MYO7A: variants seen among roughly 807,000 people sequenced by gnomAD.
MYO7A encodes unconventional myosin-VIIa.
MYO7A carries 210 observed loss-of-function variants against 263.8 expected under a neutral mutation model. That is an observed-to-expected ratio of 0.80 (90% CI 0.71 to 0.89). The LOEUF is 0.89. Ranked by LOEUF, MYO7A falls within the 40% of genes least tolerant of loss-of-function variation. The pLI is 0.00. For synonymous variants in MYO7A, 1,239 were observed against 1,197.3 expected (o/e 1.03, Z -0.72); for missense variants, 2,820 against 2,968.3 (o/e 0.95, Z 1.16).
chr11:77,166,273 G>T, intron 15 of MYO7A, 111 bp downstream of exon 15: 1 of 900,788 alleles, frequency 1.1e-6, no homozygotes, highest in Non-Finnish European at 1.8e-6. Context: ...CCACATAATG[G>T]GTATGGAGCT....
intron 12 of MYO7A, 115 bp from the exon 13 acceptor site, chr11:77,162,005 G>T: frequency 1.0e-6 from 1 of 959,720 alleles, no homozygotes; most frequent in Non-Finnish European, 1.6e-6. Context: ...TGAGTTTGGA[G>T]TCCATGATGG....
rs782355956 is a variant in MYO7A, at chr11:77,162,924, G to C, written c.1626G>C (p.Lys542Asn). The change falls in exon 14 of 49, where the codon AAG (lysine) becomes AAC (asparagine). Residue 542 changes from lysine to asparagine, a missense_variant. Lys to Asn is a moderately conservative substitution (Grantham distance 94). Coordinates refer to ENST00000409709, the MANE Select transcript of MYO7A (RefSeq NM_000260.4). The part of the protein sequence containing the change: ...HKLNANYIPP[K>N]NNHETQFGIN... ...TCAACGCCAACTACATCCCCCCCAAGAACAACCATGAGACCCAGTTTGGCA... is the reference window on the plus strand; with the variant it reads ...TCAACGCCAACTACATCCCCCCCAACAACAACCATGAGACCCAGTTTGGCA... 6.2e-7 allele frequency: 1 copy of C among 1,613,690 alleles called. No homozygotes were observed.
intron 31 of MYO7A, among the ~76,000 whole-genome samples, chr11:77,193,718 C>G (rs1355857580): frequency 6.6e-6 from 1 of 152,186 alleles, no homozygotes; most frequent in Non-Finnish European, 1.5e-5. Flanking sequence ...AAGAGCCTTT[C>G]TCTATGCCCT....
At chr11:77,208,651 C>T (rs758435749) in intron 43 of MYO7A, 46 bp from the exon 44 acceptor site, 10 of 1,518,564 alleles carry the variant, frequency 6.6e-6, no homozygotes, top group South Asian at 4.8e-5. Context: ...CGTGAGCACT[C>T]CTCTGTGCAG....
Position 77,179,962 on chromosome 11 carries a change from G to T in MYO7A, c.2586+9G>T. 13 of 1,516,676 alleles carry T rather than the reference G, an allele frequency of 8.6e-6. No homozygotes were observed. The highest frequency in any genetic ancestry group is 1.1e-5 in the Non-Finnish European group (12 of 1,131,222). 94.0% of individuals were successfully genotyped at this position (1,516,676 alleles called of 1,614,324 possible). A position where few individuals can be genotyped will look rare whatever the true frequency, so the allele number is the denominator to read the frequency against. ...AACGCCTCAGGGCTGAGGTGAGGGA[G>T]CAAGTCCATAGCACCCACAGCTCTG... On this transcript the variant is annotated intron_variant, in intron 21 of 48. Coordinates refer to ENST00000409709, the MANE Select transcript of MYO7A (RefSeq NM_000260.4).
chr11:77,165,250 T>G (rs1241737528), intron 14 of MYO7A, among the ~76,000 whole-genome samples: 2 of 152,210 alleles, frequency 1.3e-5, no homozygotes, highest in African/African-American at 4.8e-5. Flanking sequence ...ATGGGCAGCC[T>G]ATGTCCTGCT....
intron 16 of MYO7A, 101 bp downstream of exon 16, chr11:77,172,986 G>A: frequency 2.1e-6 from 3 of 1,436,316 alleles, no homozygotes; most frequent in Non-Finnish European, 2.8e-6. Flanking sequence ...GTGAGACTTT[G>A]TCCCTTTGGG....
chr11:77,192,904 G>GTAC (rs1318689592), intron 31 of MYO7A, among the ~76,000 whole-genome samples: 5 of 25,448 alleles, frequency 2.0e-4, no homozygotes, highest in Non-Finnish European at 3.8e-4. Context: ...GATGGTGTTG[G>GTAC]TGATGGTGGA....
intron 8 of MYO7A, 111 bp from the exon 9 acceptor site, chr11:77,158,166 C>T: frequency 7.8e-7 from 1 of 1,288,690 alleles, no homozygotes; most frequent in Non-Finnish European, 1.0e-6. Flanking sequence ...GGGCCCCGGG[C>T]TGGCCTGGCC....
At chr11:77,178,186 C>T (rs1208257008) in intron 19 of MYO7A, among the ~76,000 whole-genome samples, 1 of 1,732 alleles carries the variant, frequency 5.8e-4, no homozygotes, top group African/African-American at 1.5e-3. Context: ...TTCACCCACC[C>T]ACCTACCCAT....
intron 44 of MYO7A, 196 bp from the exon 45 acceptor site, chr11:77,210,956 G>C (rs1565487875): frequency 5.3e-6 from 3 of 571,270 alleles, no homozygotes; most frequent in East Asian, 5.7e-5. Flanking sequence ...TGCTGAGTCT[G>C]TGCAGGCAGA....
In MYO7A at chr11:77,178,345, C is replaced by T. The variant is rs1327077178; in HGVS notation, c.2283-700C>T. ...CCCACCAACCCATCCACCATCCATC[C>T]ATCCACCCACCCACCCATCCATTCA... On this transcript the variant is annotated intron_variant, in intron 19 of 48. Coordinates refer to ENST00000409709, the MANE Select transcript of MYO7A (RefSeq NM_000260.4). 3.8e-5 allele frequency among the ~76,000 whole-genome samples: 5 copies of T among 131,778 alleles called. No homozygotes were observed. The East Asian group carries it at 1.1e-3, about 29-fold the overall frequency. The allele number at this position is 131,778 out of a possible 152,430, so 86.5% of individuals were successfully genotyped here.
rs549313681 is a variant in MYO7A at position 77,174,905 on chromosome 11, C to T, written c.2085C>T (p.Ala695=). The change falls in exon 17 of 49, where the codon GCC becomes GCT. Residue 695 remains alanine, a synonymous_variant. Transcript: ENST00000409709. ...YRVLLPGVKP[A]YKQGDLRGTC... is the part of the protein sequence containing the mutation. ...TGCTGCTGCCAGGTGTGAAGCCGGC[C>T]TACAAGCAGGTACAGGGCTGAGTGC... The T allele has an allele frequency of 1.2e-6, 2 of 1,613,650 alleles. No individual in the cohort carries two copies. Among genetic ancestry groups the T allele is most frequent in the South Asian group, 1.1e-5 (1 of 91,080 alleles).
intron 3 of MYO7A, among the ~76,000 whole-genome samples, chr11:77,145,203 C>T (rs546230021): frequency 2.0e-5 from 3 of 152,286 alleles, no homozygotes; most frequent in African/African-American, 7.2e-5. Context: ...AATCACAAGG[C>T]AGTAGAGTGA....
intron 47 of MYO7A, 72 bp from the exon 48 acceptor site, chr11:77,213,788 T>G (rs1173012964): frequency 1.5e-5 from 24 of 1,607,366 alleles, no homozygotes; most frequent in Non-Finnish European, 2.0e-5. Context: ...AGGCCTTCTG[T>G]GAGGGCATGT....
At chr11:77,177,980 T>C (rs2135451913) in intron 19 of MYO7A, among the ~76,000 whole-genome samples, 1 of 152,200 alleles carries the variant, frequency 6.6e-6, no homozygotes, top group Non-Finnish European at 1.5e-5. Flanking sequence ...TGAGATTTTA[T>C]AAATTATTAA....
chr11:77,154,682 A>G (rs1207341024), intron 4 of MYO7A, among the ~76,000 whole-genome samples: 1 of 143,756 alleles, frequency 7.0e-6, no homozygotes, highest in Non-Finnish European at 1.5e-5. Context: ...GTAGGTCAGC[A>G]CAGTGAGGCT....
intron 47 of MYO7A, 49 bp downstream of exon 47, chr11:77,213,084 C>A: frequency 6.8e-7 from 1 of 1,462,280 alleles, no homozygotes; most frequent in South Asian, 1.2e-5. Flanking sequence ...CTGCCTGAAC[C>A]ACAGACACGG....
chr11:77,187,283 C>A (rs1261422644), intron 27 of MYO7A, among the ~76,000 whole-genome samples: 1 of 152,160 alleles, frequency 6.6e-6, no homozygotes, highest in African/African-American at 2.4e-5. Context: ...AGACTTGCTC[C>A]ATGCAGAGTC....
Sources: allele counts gnomAD v4.1 joint callset (sites outside exome capture counted in the v4.1 genomes callset), GRCh38; gene constraint gnomAD v4.1.1; transcripts MANE v1.5; gene names NCBI Gene and HGNC (gene_info 2026-07-23, HGNC 2026-07-21).